HMCN1: variants seen among roughly 807,000 people sequenced by gnomAD.
HMCN1 encodes hemicentin 1, also known as hemicentin-1.
A neutral mutation model predicts 625.9 loss-of-function variants in HMCN1; 321 were observed. The ratio of observed to expected loss-of-function variants is 0.51; its 90% CI spans 0.47 to 0.56. The LOEUF (loss-of-function observed/expected upper bound fraction) is 0.56, where lower values mean the gene tolerates loss of function less well. Ranked by LOEUF, HMCN1 falls within the 20% of genes least tolerant of loss-of-function variation. The probability of loss-of-function intolerance (pLI) is 0.00; values close to 1 mark genes in which losing one functional copy is unlikely to be tolerated. For synonymous variants in HMCN1, 2,425 were observed against 2,417.6 expected, an observed-to-expected ratio of 1.00 and a Z score of -0.09; for missense variants, 6,588 against 6,887.3, an observed-to-expected ratio of 0.96 and a Z score of 1.54.
intron 6 of HMCN1, among the ~76,000 whole-genome samples, chr1:185,921,620 G>A (rs1480622765): frequency 1.3e-5 from 2 of 152,170 alleles, no homozygotes; most frequent in Admixed American, 6.5e-5. Context: ...TGGTACATTA[G>A]AGTTGTGTGA....
chr1:185,802,995 C>G (rs1043321352), intron 1 of HMCN1, among the ~76,000 whole-genome samples: 1 of 151,730 alleles, frequency 6.6e-6, no homozygotes. Context: ...AGAGATAGAA[C>G]TTTCCAGAAA....
chr1:185,965,729 A>G, intron 13 of HMCN1, 73 bp from the exon 14 acceptor site: 1 of 884,330 alleles, frequency 1.1e-6, no homozygotes, highest in South Asian at 1.3e-5. Context: ...AAATTGGTTC[A>G]TTTAGTAAAC....
chr1:186,120,485 A>G (rs1391514208), intron 80 of HMCN1, among the ~76,000 whole-genome samples: 2 of 152,236 alleles, frequency 1.3e-5, no homozygotes, highest in Non-Finnish European at 2.9e-5. Flanking sequence ...AAAACACTGG[A>G]TTATAACGTT....
chr1:186,034,686 G>C (rs926935919), intron 36 of HMCN1, among the ~76,000 whole-genome samples: 2 of 152,024 alleles, frequency 1.3e-5, no homozygotes, highest in African/African-American at 4.8e-5. Flanking sequence ...CTGGAGAGAG[G>C]GTGACAGGGC....
rs1661289339 is a variant in HMCN1 at position 186,119,404 on chromosome 1, G to A, written c.11956+106G>A. 23 of 882,816 alleles carry A rather than the reference G, an allele frequency of 2.6e-5. No individual in the cohort carries two copies. The South Asian group carries it at 3.1e-4, about 12-fold the overall frequency. The allele number at this position is 882,816 out of a possible 1,614,324, so 54.7% of individuals were successfully genotyped here. On this transcript the variant is annotated intron_variant, in intron 78 of 106. Coordinates refer to ENST00000271588, the MANE Select transcript of HMCN1 (RefSeq NM_031935.3). ...GTACTGTCGAGAGCTATGAACCATA[G>A]TAATATCTTGGGGATATGAAAGCCT...
chr1:185,921,692 A>G (rs1667014137), intron 6 of HMCN1, among the ~76,000 whole-genome samples: 1 of 152,146 alleles, frequency 6.6e-6, no homozygotes, highest in African/African-American at 2.4e-5. Flanking sequence ...TGGTCATTTT[A>G]TTTTGAGACA....
At chr1:186,162,454 G>T (rs990666546) in intron 97 of HMCN1, among the ~76,000 whole-genome samples, 2 of 148,882 alleles carry the variant, frequency 1.3e-5, no homozygotes, top group Non-Finnish European at 1.5e-5. Flanking sequence ...TTCCATTGCT[G>T]GTGAGGAACT....
chr1:186,189,810 G>GC lies in HMCN1; in HGVS notation c.16842dup (p.Asn5615GlnfsTer5). 4 of 1,613,742 alleles carry GC rather than the reference G, an allele frequency of 2.5e-6. No homozygotes were observed. Among genetic ancestry groups the GC allele is most frequent in the Non-Finnish European group, 3.4e-6 (4 of 1,179,830 alleles). On this transcript the variant is annotated frameshift_variant, in exon 107 of 107. Coordinates refer to ENST00000271588, the MANE Select transcript of HMCN1 (RefSeq NM_031935.3). LOFTEE classifies it high-confidence loss of function. ...GAGGGTCCGAGCCTCATCCTACAGT[G>GC]CCAATGGGACCATTGAATATCAGAC...
At position 185,987,858 on chromosome 1, in the gene HMCN1, CA is replaced by C. The variant is rs3057352; in HGVS notation, c.3048+327del. Among the ~76,000 whole-genome samples, 297 of 119,424 alleles carry C rather than the reference CA, an allele frequency of 2.5e-3. 2 individuals carry two copies. The highest frequency in any genetic ancestry group is 5.8e-3 in the African/African-American group (193 of 33,166). The allele number at this position is 119,424 out of a possible 152,430, so 78.3% of individuals were successfully genotyped here. The stretch of plus-strand genomic sequence containing the variant: ...TGGGGCTTTGGATAAAGCCCTGGTC[CA>C]AAAAAAAAAAAACAAAAAACTTAAG... On this transcript the variant is annotated intron_variant, in intron 20 of 106. Coordinates refer to ENST00000271588, the MANE Select transcript of HMCN1 (RefSeq NM_031935.3).
chr1:186,007,544 T>G (rs1374897325), intron 30 of HMCN1, among the ~76,000 whole-genome samples: 1 of 152,184 alleles, frequency 6.6e-6, no homozygotes, highest in African/African-American at 2.4e-5. Flanking sequence ...AAGAATTTCC[T>G]AATTGGTTAG....
intron 14 of HMCN1, 64 bp from the exon 15 acceptor site, chr1:185,970,271 C>A: frequency 6.9e-7 from 1 of 1,453,428 alleles, no homozygotes; most frequent in South Asian, 1.1e-5. Flanking sequence ...GAAATTAAAC[C>A]AATAGCTGCA....
At chr1:185,851,562 T>C (rs1217706130) in intron 2 of HMCN1, among the ~76,000 whole-genome samples, 2 of 152,130 alleles carry the variant, frequency 1.3e-5, no homozygotes, top group African/African-American at 2.4e-5. Context: ...GCTTTCTCTC[T>C]GGGGAAAAGA....
At chr1:186,096,916 TAAATCCACA>T (rs2102427116) in intron 68 of HMCN1, among the ~76,000 whole-genome samples, 1 of 152,266 alleles carries the variant, frequency 6.6e-6, no homozygotes, top group South Asian at 2.1e-4. Context: ...CTATTTATGA[TAAATCCACA>T]GCTAACATCA....
chr1:185,942,682 G>A (rs1222854282), intron 11 of HMCN1, among the ~76,000 whole-genome samples: 1 of 152,004 alleles, frequency 6.6e-6, no homozygotes, highest in African/African-American at 2.4e-5. Flanking sequence ...AACTCTCTAG[G>A]CCCCAACTGG....
At chr1:186,076,692 GA>G (rs1658838119) in intron 54 of HMCN1, 70 bp downstream of exon 54, 1 of 1,453,126 alleles carries the variant, frequency 6.9e-7, no homozygotes. Context: ...TGTATTAGAC[GA>G]ATTGAATTGG....
At chr1:186,148,339 TG>T (rs1014045461) in intron 93 of HMCN1, among the ~76,000 whole-genome samples, 2 of 152,190 alleles carry the variant, frequency 1.3e-5, no homozygotes, top group African/African-American at 4.8e-5. Context: ...TCATCTATGA[TG>T]GGGGGAATCA....
chr1:186,038,913 A>G lies in HMCN1; in HGVS notation c.5936A>G (p.Glu1979Gly), dbSNP rs143452745. The G allele has an allele frequency of 1.2e-6, 2 of 1,606,888 alleles. No homozygotes were observed. Among genetic ancestry groups the G allele is most frequent in the Non-Finnish European group, 1.7e-6 (2 of 1,173,566 alleles). The change falls in exon 38 of 107, where the codon GAA (glutamate) becomes GGA (glycine). Residue 1979 changes from glutamate (E) to glycine (G), a missense_variant. By Grantham distance (98) the Glu-to-Gly change is moderately conservative. Around this residue, in one of 3 missense-constraint regions of HMCN1, gnomAD observed 4,628 missense variants for 4,853.1 expected, o/e 0.95. Transcript: ENST00000271588. ...FLNRGQIIDIESAQISDAGIY... is the reference protein window; with the variant it reads ...FLNRGQIIDIGSAQISDAGIY... ...AACAGAGGACAGATCATTGATATTG[A>G]AAGTGCCCAGATCTCAGATGCTGGC...
At chr1:185,735,187 T>C in intron 1 of HMCN1, 140 bp downstream of exon 1, 1 of 989,028 alleles carries the variant, frequency 1.0e-6, no homozygotes, top group Non-Finnish European at 1.5e-6. Context: ...AACAAAGAAT[T>C]ACTTGCTGGC....
At chr1:185,948,591 G>A (rs906507192) in intron 11 of HMCN1, among the ~76,000 whole-genome samples, 1 of 151,466 alleles carries the variant, frequency 6.6e-6, no homozygotes, top group African/African-American at 2.4e-5. Context: ...CACTTCTTTT[G>A]TGGTGGAATG....
Sources: allele counts gnomAD v4.1 joint callset (sites outside exome capture counted in the v4.1 genomes callset), GRCh38; gene constraint gnomAD v4.1.1; regional missense constraint gnomAD v4.1.1; transcripts MANE v1.5; gene names NCBI Gene and HGNC (gene_info 2026-07-23, HGNC 2026-07-21).